Variants in CSNK1D observed in about 807,000 individuals in gnomAD.
CSNK1D encodes the protein casein kinase 1 delta, also known as casein kinase I isoform delta.
CSNK1D carries 16 observed loss-of-function variants against 46.6 expected under a neutral mutation model. The observed-to-expected ratio is 0.34, with a 90% CI of 0.23 to 0.52. CSNK1D has a LOEUF of 0.52. CSNK1D is among the 20% of genes least tolerant of loss of function. CSNK1D has a pLI of 0.95. For missense variants in CSNK1D, 398 were observed against 578.4 expected (o/e 0.69, Z 3.20); for synonymous variants, 276 against 228.2 (o/e 1.21, Z -1.89).
chr17:82,251,293 CCCT>C lies in CSNK1D; in HGVS notation c.885+83_885+85del. On this transcript the variant is annotated intron_variant, in intron 6 of 8. Coordinates refer to ENST00000314028, the MANE Select transcript of CSNK1D (RefSeq NM_001893.6). This position sits in a 1 kb window ranked among gnomAD's most constrained non-coding sequence, Gnocchi z 4.5. ...AGAGACACTCCCTATATGGTACAGC[CCCT>C]CAACAAGACGGCCGCCGGCCTCTCA... 6.7e-7 allele frequency: 1 copy of C among 1,497,108 alleles called. No homozygotes were observed. The highest frequency in any genetic ancestry group is 9.3e-7 in the Non-Finnish European group (1 of 1,079,114). 92.7% of individuals were successfully genotyped at this position (1,497,108 alleles called of 1,614,324 possible).
chr17:82,270,532 C>T (rs918456655), intron 1 of CSNK1D, among the ~76,000 whole-genome samples: 8 of 152,174 alleles, frequency 5.3e-5, no homozygotes, highest in African/African-American at 7.2e-5. Flanking sequence ...CCTAGTTCCT[C>T]GATTTATGTG....
In CSNK1D at chr17:82,243,098, C is replaced by G. The variant is rs1001131503; in HGVS notation, c.*1683G>C. 3.0e-6 allele frequency: 3 copies of G among 985,384 alleles called. No individual in the cohort carries two copies. Among genetic ancestry groups the G allele is most frequent in the Non-Finnish European group, 3.6e-6 (3 of 829,978 alleles). The allele number at this position is 985,384 out of a possible 1,614,324, so 61.0% of individuals were successfully genotyped here. A position where few individuals can be genotyped will look rare whatever the true frequency, so the allele number is the denominator to read the frequency against. On this transcript the variant is annotated 3_prime_UTR_variant, in exon 9 of 9. Coordinates refer to ENST00000314028, the MANE Select transcript of CSNK1D (RefSeq NM_001893.6). ...TGTACTTCAACACACAGCTCCCACC[C>G]GCTCAAGGCCCCGTACTCCAAAACG...
intron 8 of CSNK1D, among the ~76,000 whole-genome samples, chr17:82,245,773 C>G (rs2050834707): frequency 6.6e-6 from 1 of 152,258 alleles, no homozygotes. Flanking sequence ...TTCCAAAGCT[C>G]TCTGTGGACA....
chr17:82,244,840 G>A lies in CSNK1D; in HGVS notation c.1198-9C>T, dbSNP rs2050808786. ...GCCACCCGACCAGGAATCTGTCGGA[G>A]CCAAAGCACAGGAGAAGGTCAGCAT... is the stretch of plus-strand genomic sequence containing the variant. On this transcript the variant is annotated splice_polypyrimidine_tract_variant and intron_variant, in intron 8 of 8. Transcript: ENST00000314028. The A allele has an allele frequency of 1.2e-6, 2 of 1,613,720 alleles. No individual in the cohort carries two copies. Among genetic ancestry groups the A allele is most frequent in the Middle Eastern group, 1.6e-4 (1 of 6,062 alleles).
intron 2 of CSNK1D, among the ~76,000 whole-genome samples, chr17:82,256,360 G>T (rs1249897915): frequency 5.3e-5 from 8 of 151,968 alleles, no homozygotes; most frequent in African/African-American, 1.7e-4. Context: ...AAAAATTCTG[G>T]AAATTAGGTG....
In CSNK1D at chr17:82,254,937, C is replaced by T. The variant is rs1254710028; in HGVS notation, c.336+492G>A. ...TCCAGAAGCCAGTGAGCTGAGCCATCGGAGCCTCGACAAGCCAGTGAGCTG... is the reference window on the plus strand; with the variant it reads ...TCCAGAAGCCAGTGAGCTGAGCCATTGGAGCCTCGACAAGCCAGTGAGCTG... On this transcript the variant is annotated intron_variant, in intron 3 of 8. Coordinates refer to ENST00000314028, the MANE Select transcript of CSNK1D (RefSeq NM_001893.6). Among the ~76,000 whole-genome samples, 9 of 139,528 alleles carry T rather than the reference C, an allele frequency of 6.5e-5. No homozygotes were observed. In the East Asian group the frequency reaches 1.3e-3, roughly 21 times the overall value. 91.5% of individuals were successfully genotyped at this position (139,528 alleles called of 152,430 possible).
In CSNK1D at chr17:82,273,257, C is replaced by T; in HGVS notation, c.76+49G>A. ...CCGCGATCGCGCTTGGTCTTGGCAG[C>T]CGCAGGGCCCGGGTCTTCGGGCGGC... On this transcript the variant is annotated intron_variant, in intron 1 of 8. Transcript: ENST00000314028. This position sits in a 1 kb window ranked among gnomAD's most constrained non-coding sequence, Gnocchi z 5.1. The T allele has an allele frequency of 6.4e-7, 1 of 1,561,082 alleles. No homozygotes were observed. Among genetic ancestry groups the T allele is most frequent in the Non-Finnish European group, 8.7e-7 (1 of 1,153,118 alleles).
At chr17:82,257,451 G>A (rs1393987932) in intron 2 of CSNK1D, among the ~76,000 whole-genome samples, 1 of 151,998 alleles carries the variant, frequency 6.6e-6, no homozygotes, top group Admixed American at 6.5e-5. Flanking sequence ...TTTTTAAAGT[G>A]TTAAAGTTAC....
intron 8 of CSNK1D, chr17:82,246,232 C>T (rs941490852): frequency 5.5e-5 from 82 of 1,491,026 alleles, no homozygotes; most frequent in Non-Finnish European, 7.0e-5. Flanking sequence ...GAGTGGTGCC[C>T]ACTCCTCTTC....
rs1007955276 is a variant in CSNK1D at position 82,243,216 on chromosome 17, G to A, written c.*1565C>T. The A allele has an allele frequency of 1.0e-5, 10 of 985,598 alleles. No homozygotes were observed. The African/African-American group carries it at 1.7e-4, about 17-fold the overall frequency. The allele number at this position is 985,598 out of a possible 1,614,324, so 61.1% of individuals were successfully genotyped here. A position where few individuals can be genotyped will look rare whatever the true frequency, so the allele number is the denominator to read the frequency against. Reference sequence around the variant, plus strand: ...TGGGGGGGTGAACAACTGTGTTCTGGGACGCCAGCCAGTTATGGCATCCGG... The same window carrying A: ...TGGGGGGGTGAACAACTGTGTTCTGAGACGCCAGCCAGTTATGGCATCCGG... On this transcript the variant is annotated 3_prime_UTR_variant, in exon 9 of 9. Transcript: ENST00000314028.
At chr17:82,247,681 C>T in intron 8 of CSNK1D, 1 of 985,378 alleles carries the variant, frequency 1.0e-6, no homozygotes. Context: ...CCAGTTAAAC[C>T]CTTTCTGTGC....
chr17:82,265,544 C>T, intron 2 of CSNK1D, 142 bp downstream of exon 2: 2 of 718,080 alleles, frequency 2.8e-6, no homozygotes, highest in Non-Finnish European at 2.5e-6. Context: ...GAAGCTGTGA[C>T]TGCTTTGTCA....
intron 8 of CSNK1D, chr17:82,246,641 G>A (rs897897262): frequency 2.0e-6 from 2 of 1,004,596 alleles, no homozygotes; most frequent in African/African-American, 1.7e-5. Flanking sequence ...GGCTGGGGCG[G>A]GGCCCTACAA....
Position 82,249,308 on chromosome 17 carries a change from CG to C in CSNK1D, c.1057+122del, listed in dbSNP as rs1015450997. On this transcript the variant is annotated intron_variant, in intron 7 of 8. Coordinates refer to ENST00000314028, the MANE Select transcript of CSNK1D (RefSeq NM_001893.6). This position sits in a 1 kb window ranked among gnomAD's most constrained non-coding sequence, Gnocchi z 6.7. ...AGCCTGGCTCATCCACCCTCAGGAG[CG>C]AGCATCGCCTGACACAGGGCACTTA... The C allele has an allele frequency of 5.6e-6, 6 of 1,077,820 alleles. No homozygotes were observed. The Admixed American group carries it at 1.4e-4, about 25-fold the overall frequency. 66.8% of individuals were successfully genotyped at this position (1,077,820 alleles called of 1,614,324 possible).
At chr17:82,271,856 T>C (rs983476977) in intron 1 of CSNK1D, among the ~76,000 whole-genome samples, 1 of 152,236 alleles carries the variant, frequency 6.6e-6, no homozygotes, top group African/African-American at 2.4e-5. Flanking sequence ...AGGGGATTCC[T>C]GACCCTAGCT....
chr17:82,257,629 G>A (rs2051206509), intron 2 of CSNK1D, among the ~76,000 whole-genome samples: 1 of 152,234 alleles, frequency 6.6e-6, no homozygotes, highest in African/African-American at 2.4e-5. Context: ...TGTGCCTGAG[G>A]GCGGGAAGGA....
At position 82,248,326 on chromosome 17, in the gene CSNK1D, C is replaced by G. The variant is rs910055659; in HGVS notation, c.1197+549G>C. On this transcript the variant is annotated intron_variant, in intron 8 of 8. Transcript: ENST00000314028. This position sits in a 1 kb window ranked among gnomAD's most constrained non-coding sequence, Gnocchi z 4.1. ...GATGCTGAAGAGGCGGTGGCCGTGG[C>G]TAGGCCTGGGCTGCGCAACAGGGTA... The G allele has an allele frequency of 5.0e-6, 5 of 990,206 alleles. No homozygotes were observed. Among genetic ancestry groups the G allele is most frequent in the Non-Finnish European group, 6.0e-6 (5 of 832,602 alleles). 61.3% of individuals were successfully genotyped at this position (990,206 alleles called of 1,614,324 possible).
At chr17:82,246,245 G>C (rs2050847493) in intron 8 of CSNK1D, 2 of 1,475,358 alleles carry the variant, frequency 1.4e-6, no homozygotes, top group South Asian at 1.3e-5. Context: ...TCCTCTTCTG[G>C]AATCACTTGC....
rs2051011365 is a variant in CSNK1D at position 82,251,621 on chromosome 17, A to G, written c.737-94T>C. ...CGCTGTCTACCTCCTGCTGCTGCACACTCAAGGGGAGAAGGACAGATGCAA... is the reference window on the plus strand; with the variant it reads ...CGCTGTCTACCTCCTGCTGCTGCACGCTCAAGGGGAGAAGGACAGATGCAA... On this transcript the variant is annotated intron_variant, in intron 5 of 8. Coordinates refer to ENST00000314028, the MANE Select transcript of CSNK1D (RefSeq NM_001893.6). This position sits in a 1 kb window ranked among gnomAD's most constrained non-coding sequence, Gnocchi z 4.5. 1.6e-6 allele frequency: 2 copies of G among 1,256,534 alleles called. No individual in the cohort carries two copies. The highest frequency in any genetic ancestry group is 2.4e-5 in the East Asian group (1 of 42,402). The allele number at this position is 1,256,534 out of a possible 1,614,324, so 77.8% of individuals were successfully genotyped here. A position where few individuals can be genotyped will look rare whatever the true frequency, so the allele number is the denominator to read the frequency against.
Sources: gnomAD v4.1 joint callset for allele counts (sites outside exome capture counted in the v4.1 genomes callset) on GRCh38, gnomAD v4.1.1 for gene constraint, Gnocchi (gnomAD v3.1) non-coding constraint, MANE v1.5 for transcripts, NCBI Gene and HGNC (gene_info 2026-07-23, HGNC 2026-07-21) for gene names.